The following AKAP8L variants were observed in gnomAD, a reference collection of about 807,000 sequenced individuals.
AKAP8L encodes A-kinase anchoring protein 8 like.
In AKAP8L, 34 loss-of-function variants were observed where a neutral mutation model predicts 77.5. The observed-to-expected ratio is 0.44, with a 90% CI of 0.33 to 0.58. AKAP8L has a LOEUF of 0.58. Among genes scored for constraint, AKAP8L ranks in the 20% least tolerant of loss-of-function variants. The probability of loss-of-function intolerance (pLI) is 0.02; values close to 1 mark genes in which losing one functional copy is unlikely to be tolerated. For synonymous variants in AKAP8L, 342 were observed against 340.7 expected (o/e 1.00, Z -0.04); for missense variants, 806 against 887.6 (o/e 0.91, Z 1.17).
At chr19:15,412,843 G>A (rs1188554188) in intron 1 of AKAP8L, among the ~76,000 whole-genome samples, 1 of 152,154 alleles carries the variant, frequency 6.6e-6, no homozygotes, top group African/African-American at 2.4e-5. Context: ...CGCCCGGCCA[G>A]AAATACATAT....
At chr19:15,386,457 T>C (rs764556449) in intron 12 of AKAP8L, among the ~76,000 whole-genome samples, 1 of 152,042 alleles carries the variant, frequency 6.6e-6, no homozygotes, top group Non-Finnish European at 1.5e-5. Flanking sequence ...ATGAGAAAGA[T>C]TTAATGAGGA....
intron 2 of AKAP8L, among the ~76,000 whole-genome samples, chr19:15,405,161 T>G (rs1047542558): frequency 2.0e-5 from 3 of 152,092 alleles, no homozygotes; most frequent in African/African-American, 7.2e-5. Flanking sequence ...GAGAGCAGCA[T>G]GGGTAAGTCA....
chr19:15,400,721 C>T, intron 7 of AKAP8L, 73 bp downstream of exon 7: 1 of 1,556,414 alleles, frequency 6.4e-7, no homozygotes, highest in Non-Finnish European at 8.8e-7. Context: ...CCTCTGGCCC[C>T]CAGGGAGAGC....
chr19:15,403,779 C>T lies in AKAP8L; in HGVS notation c.122-64G>A. The T allele has an allele frequency of 1.5e-6, 2 of 1,306,578 alleles. No homozygotes were observed. The highest frequency in any genetic ancestry group is 2.2e-6 in the Non-Finnish European group (2 of 924,096). 80.9% of individuals were successfully genotyped at this position (1,306,578 alleles called of 1,614,324 possible). ...CAGGCAGAGGGGAGGCAGACAGAGA[C>T]AGAGACAAACACAGATACAAGGGTA... On this transcript the variant is annotated intron_variant, in intron 3 of 13. Coordinates refer to ENST00000397410, the MANE Select transcript of AKAP8L (RefSeq NM_014371.4). This position sits in a 1 kb window ranked among gnomAD's most constrained non-coding sequence, Gnocchi z 4.3.
At chr19:15,381,759 G>C (rs1346691310) in intron 12 of AKAP8L, 1 of 152,160 alleles carries the variant, frequency 6.6e-6, no homozygotes, top group East Asian at 1.9e-4. Flanking sequence ...CTTGCCAACA[G>C]TTTATCCTCC....
chr19:15,387,916 G>A (rs185250451), intron 12 of AKAP8L, among the ~76,000 whole-genome samples: 6 of 151,488 alleles, frequency 4.0e-5, no homozygotes, highest in Admixed American at 2.0e-4. Flanking sequence ...CCAAGATCGC[G>A]CCACTGCATT....
At chr19:15,389,197 C>T (rs1967606203) in intron 12 of AKAP8L, among the ~76,000 whole-genome samples, 1 of 148,426 alleles carries the variant, frequency 6.7e-6, no homozygotes, top group South Asian at 2.1e-4. Flanking sequence ...TGCACTCCAG[C>T]CTAGGCAACA....
chr19:15,399,516 A>C lies in AKAP8L; in HGVS notation c.1049-106T>G. The C allele has an allele frequency of 3.6e-6, 3 of 829,758 alleles. No individual in the cohort carries two copies. The South Asian group carries it at 4.1e-5, about 11-fold the overall frequency. 51.4% of individuals were successfully genotyped at this position (829,758 alleles called of 1,614,324 possible). A position where few individuals can be genotyped will look rare whatever the true frequency, so the allele number is the denominator to read the frequency against. On this transcript the variant is annotated intron_variant, in intron 8 of 13. Coordinates refer to ENST00000397410, the MANE Select transcript of AKAP8L (RefSeq NM_014371.4). The surrounding 1 kb of genome is among the most constrained non-coding windows in gnomAD (Gnocchi z 6.1). ...ACTGTCCACTCCAGAGGGTCCATCG[A>C]GAATAGCTGTCCAAGCAAGGCCTCT...
Position 15,418,965 on chromosome 19 carries a change from G to C in AKAP8L, c.-42C>G. The C allele has an allele frequency of 6.2e-7, 1 of 1,603,708 alleles. No homozygotes were observed. Among genetic ancestry groups the C allele is most frequent in the Non-Finnish European group, 8.5e-7 (1 of 1,179,298 alleles). ...ACATCCGACGACGCCGGCTTCTGCT[G>C]CTCTGAACATCCGACGCTGCGATAG... On this transcript the variant is annotated 5_prime_UTR_variant, in exon 1 of 14. Coordinates refer to ENST00000397410, the MANE Select transcript of AKAP8L (RefSeq NM_014371.4).
chr19:15,382,137 T>C (rs988580682), intron 12 of AKAP8L: 1 of 152,176 alleles, frequency 6.6e-6, no homozygotes, highest in African/African-American at 2.4e-5. Flanking sequence ...GTAAGCACAC[T>C]GGAACACCCG....
At chr19:15,405,865 C>T (rs928619715) in intron 2 of AKAP8L, among the ~76,000 whole-genome samples, 41 of 151,468 alleles carry the variant, frequency 2.7e-4, no homozygotes, top group Admixed American at 2.1e-3. Flanking sequence ...GAGGTTGCAG[C>T]GAGCCAAGAT....
intron 12 of AKAP8L, among the ~76,000 whole-genome samples, chr19:15,387,123 A>G (rs1967555500): frequency 6.6e-6 from 1 of 152,176 alleles, no homozygotes; most frequent in Non-Finnish European, 1.5e-5. Flanking sequence ...GGGCTCACAT[A>G]CCCATGGCTT....
intron 2 of AKAP8L, among the ~76,000 whole-genome samples, chr19:15,407,505 C>T (rs144493111): frequency 4.7e-4 from 72 of 152,254 alleles, no homozygotes; most frequent in African/African-American, 1.6e-3. Flanking sequence ...AAAAGAGCTA[C>T]TAGAATAAGT....
At chr19:15,388,036 A>C (rs553273438) in intron 12 of AKAP8L, among the ~76,000 whole-genome samples, 1 of 152,256 alleles carries the variant, frequency 6.6e-6, no homozygotes, top group African/African-American at 2.4e-5. Context: ...ATTGGGCAGC[A>C]ATCTATGCCC....
chr19:15,412,220 C>T (rs1211796747), intron 1 of AKAP8L, among the ~76,000 whole-genome samples: 1 of 151,794 alleles, frequency 6.6e-6, no homozygotes, highest in Non-Finnish European at 1.5e-5. Context: ...AACAAACAAA[C>T]AAAACCCCAA....
chr19:15,412,766 T>G (rs1160023906), intron 1 of AKAP8L, among the ~76,000 whole-genome samples: 1 of 152,208 alleles, frequency 6.6e-6, no homozygotes, highest in Non-Finnish European at 1.5e-5. Flanking sequence ...ATGGTCTCGA[T>G]CTCCTAACCT....
chr19:15,389,322 G>A (rs945355644), intron 12 of AKAP8L, among the ~76,000 whole-genome samples: 6 of 151,396 alleles, frequency 4.0e-5, no homozygotes, highest in Non-Finnish European at 7.4e-5. Context: ...GAGGTAAAAT[G>A]AACAGTCTCA....
intron 1 of AKAP8L, among the ~76,000 whole-genome samples, chr19:15,414,142 G>A (rs1435151742): frequency 7.2e-6 from 1 of 139,562 alleles, no homozygotes; most frequent in Non-Finnish European, 1.5e-5. Context: ...TCGGTTCACC[G>A]CAACCTCCAC....
At chr19:15,388,895 G>A (rs188314295) in intron 12 of AKAP8L, among the ~76,000 whole-genome samples, 50 of 133,810 alleles carry the variant, frequency 3.7e-4, no homozygotes, top group Middle Eastern at 5.8e-3. Flanking sequence ...CAGCCTGGGC[G>A]ACAGAGCTAG....
Sources: gnomAD v4.1 joint callset for allele counts (sites outside exome capture counted in the v4.1 genomes callset) on GRCh38, gnomAD v4.1.1 for gene constraint, Gnocchi (gnomAD v3.1) non-coding constraint, MANE v1.5 for transcripts, NCBI Gene and HGNC (gene_info 2026-07-23, HGNC 2026-07-21) for gene names.